The following ADAMTSL1 variants were observed in gnomAD, a reference collection of about 807,000 sequenced individuals.
ADAMTSL1 encodes ADAMTS like 1.
In ADAMTSL1, 126 loss-of-function variants were observed where a neutral mutation model predicts 201.8. The observed-to-expected ratio is 0.62, with a 90% CI of 0.54 to 0.72. ADAMTSL1 has a LOEUF of 0.72. ADAMTSL1 is among the 30% of genes least tolerant of loss of function. The probability of loss-of-function intolerance (pLI) is 0.00; values close to 1 mark genes in which losing one functional copy is unlikely to be tolerated. For missense variants in ADAMTSL1, 2,679 were observed against 2,277.8 expected (o/e 1.18, Z -3.59); for synonymous variants, 1,121 against 903.4 (o/e 1.24, Z -4.32).
intron 2 of ADAMTSL1, among the ~76,000 whole-genome samples, chr9:18,228,902 A>C (rs568592932): frequency 6.7e-6 from 1 of 150,034 alleles, no homozygotes; most frequent in East Asian, 2.0e-4. Context: ...AGTCTCACAC[A>C]TTCTCTTTAG....
At chr9:18,801,475 C>T (rs996200479) in intron 20 of ADAMTSL1, among the ~76,000 whole-genome samples, 1 of 152,120 alleles carries the variant, frequency 6.6e-6, no homozygotes, top group Non-Finnish European at 1.5e-5. Flanking sequence ...TTTCATCACC[C>T]AGGTACTCAG....
Position 18,453,595 on chromosome 9 carries a change from A to C in ADAMTSL1, c.208-51234A>C, listed in dbSNP as rs374047024. On this transcript the variant is annotated intron_variant, in intron 2 of 29. Coordinates refer to the ADAMTSL1 transcript ENST00000680146. ...AGTCATTTCTTTTCTCTTGCAGCTT[A>C]CTTTATTCAATTAAAATTAGCCACA... Among the ~76,000 whole-genome samples the C allele has an allele frequency of 1.5e-4, 23 of 152,060 alleles. No individual in the cohort carries two copies. In the East Asian group the frequency reaches 4.1e-3, roughly 27 times the overall value.
chr9:18,122,268 A>G (rs1317966043), intron 1 of ADAMTSL1, among the ~76,000 whole-genome samples: 12 of 152,210 alleles, frequency 7.9e-5, no homozygotes, highest in Non-Finnish European at 1.5e-5. Flanking sequence ...AACAACCTAC[A>G]TATCCATGAC....
At chr9:17,970,653 C>T (rs1818170025) in intron 1 of ADAMTSL1, among the ~76,000 whole-genome samples, 1 of 151,972 alleles carries the variant, frequency 6.6e-6, no homozygotes, top group Non-Finnish European at 1.5e-5. Flanking sequence ...CCTCCTTACC[C>T]TTTAAGTCTG....
chr9:18,315,283 C>T (rs550705474), intron 2 of ADAMTSL1, among the ~76,000 whole-genome samples: 1 of 152,276 alleles, frequency 6.6e-6, no homozygotes, highest in South Asian at 2.1e-4. Context: ...TTCTTCAAGT[C>T]CCCACCTGAC....
At chr9:18,352,351 G>A (rs1489546570) in intron 2 of ADAMTSL1, among the ~76,000 whole-genome samples, 3 of 152,194 alleles carry the variant, frequency 2.0e-5, no homozygotes, top group African/African-American at 7.2e-5. Context: ...TGATTTGTAA[G>A]TAGTCTTTGG....
chr9:17,982,292 G>A (rs1034543250), intron 1 of ADAMTSL1, among the ~76,000 whole-genome samples: 2 of 152,106 alleles, frequency 1.3e-5, no homozygotes, highest in Non-Finnish European at 2.9e-5. Context: ...TTGTGGCCTT[G>A]TCAGATGGAA....
intron 1 of ADAMTSL1, among the ~76,000 whole-genome samples, chr9:18,057,174 A>G (rs1822229732): frequency 1.3e-5 from 2 of 152,184 alleles, no homozygotes; most frequent in Admixed American, 1.3e-4. Context: ...TGAGACCTGC[A>G]GAGACCACAG....
intron 2 of ADAMTSL1, among the ~76,000 whole-genome samples, chr9:18,228,469 T>G (rs956803876): frequency 6.6e-6 from 1 of 152,134 alleles, no homozygotes; most frequent in African/African-American, 2.4e-5. Context: ...TGCCTAGGTT[T>G]AAGTGCAATG....
At chr9:18,098,698 T>C (rs73420858) in intron 1 of ADAMTSL1, among the ~76,000 whole-genome samples, 3,868 of 152,294 alleles carry the variant, frequency 0.025, 181 homozygotes, top group African/African-American at 0.087. Flanking sequence ...TTCTGTGTCT[T>C]GCTTTATTTC....
chr9:18,561,100 C>T (rs1587566681), intron 3 of ADAMTSL1, among the ~76,000 whole-genome samples: 1 of 151,710 alleles, frequency 6.6e-6, no homozygotes, highest in African/African-American at 2.4e-5. Flanking sequence ...CTCTTGCTTC[C>T]CTAGGTCTTG....
chr9:18,232,894 A>G (rs1313691337), intron 2 of ADAMTSL1, among the ~76,000 whole-genome samples: 1 of 152,254 alleles, frequency 6.6e-6, no homozygotes, highest in Non-Finnish European at 1.5e-5. Flanking sequence ...TTTTATAAAT[A>G]GAATGGATTT....
chr9:18,180,732 T>C (rs1029233359), intron 2 of ADAMTSL1, among the ~76,000 whole-genome samples: 4 of 152,104 alleles, frequency 2.6e-5, no homozygotes, highest in African/African-American at 7.2e-5. Flanking sequence ...ACAGATTCAA[T>C]GCCATCCCCA....
chr9:17,949,016 A>C (rs2772691), intron 1 of ADAMTSL1, among the ~76,000 whole-genome samples: 131,134 of 152,158 alleles, frequency 0.86, 56,605 homozygotes, highest in East Asian at 0.94. Context: ...TGATTCTGAA[A>C]TTTTATCCCA....
intron 15 of ADAMTSL1, chr9:18,722,931 C>A: frequency 1.4e-6 from 1 of 728,418 alleles, no homozygotes; most frequent in Non-Finnish European, 2.6e-6. Flanking sequence ...TCTGTCCTAA[C>A]TTCGCAGCTC....
intron 2 of ADAMTSL1, among the ~76,000 whole-genome samples, chr9:18,166,032 G>A (rs1231046015): frequency 1.3e-5 from 2 of 151,844 alleles, no homozygotes; most frequent in Non-Finnish European, 2.9e-5. Context: ...TCCTGGTATA[G>A]GTCACAAGAA....
At chr9:18,068,414 A>G (rs1291306074) in intron 1 of ADAMTSL1, among the ~76,000 whole-genome samples, 1 of 152,214 alleles carries the variant, frequency 6.6e-6, no homozygotes, top group Non-Finnish European at 1.5e-5. Flanking sequence ...TCTACAGATC[A>G]TTTAATGTTT....
intron 2 of ADAMTSL1, among the ~76,000 whole-genome samples, chr9:18,207,513 C>G (rs1829701871): frequency 1.3e-5 from 2 of 152,116 alleles, no homozygotes; most frequent in Admixed American, 6.6e-5. Context: ...TTAACAATAA[C>G]TAATATGTTT....
chr9:18,478,129 C>G (rs555111660), intron 1 of ADAMTSL1, among the ~76,000 whole-genome samples: 1 of 152,252 alleles, frequency 6.6e-6, no homozygotes, highest in Non-Finnish European at 1.5e-5. Context: ...GGCTATTACT[C>G]TAACTTAGGA....
Sources: gnomAD v4.1 joint callset for allele counts (sites outside exome capture counted in the v4.1 genomes callset) on GRCh38, gnomAD v4.1.1 for gene constraint, MANE v1.5 for transcripts, NCBI Gene and HGNC (gene_info 2026-07-23, HGNC 2026-07-21) for gene names.